The following TNKS variants were observed in gnomAD, a reference collection of about 807,000 sequenced individuals.
TNKS encodes the protein tankyrase.
TNKS carries 72 observed loss-of-function variants against 135.8 expected under a neutral mutation model. That is an observed-to-expected ratio of 0.53 (90% CI 0.44 to 0.64). The LOEUF is 0.64. TNKS is among the 30% of genes least tolerant of loss of function. TNKS has a pLI of 0.00. For missense variants in TNKS, 1,769 were observed against 1,674.0 expected (o/e 1.06, Z -0.99); for synonymous variants, 849 against 649.3 (o/e 1.31, Z -4.68).
At position 9,656,254 on chromosome 8, in the gene TNKS, T is replaced by G. The variant is rs34625531; in HGVS notation, c.995-23697T>G. The stretch of plus-strand genomic sequence containing the variant: ...TGGAACTATGTGAAAAGACCAAATC[T>G]ACGTCCTGATTGGTGTACCTGAAAG... On this transcript the variant is annotated intron_variant, in intron 3 of 26. Coordinates refer to ENST00000310430, the MANE Select transcript of TNKS (RefSeq NM_003747.3). Among the ~76,000 whole-genome samples, 1,281 of 152,258 alleles carry G rather than the reference T, an allele frequency of 8.4e-3. 18 individuals are homozygous for G. The highest frequency in any genetic ancestry group is 0.029 in the African/African-American group (1,200 of 41,548).
At chr8:9,607,981 T>C (rs6651496) in intron 2 of TNKS, among the ~76,000 whole-genome samples, 43,729 of 151,956 alleles carry the variant, frequency 0.29, 6,583 homozygotes, top group East Asian at 0.38. Flanking sequence ...ACATTGTCAT[T>C]CAAGTTGGAG....
chr8:9,679,711 G>A, intron 3 of TNKS: 2 of 464,614 alleles, frequency 4.3e-6, no homozygotes, highest in Non-Finnish European at 7.8e-6. Context: ...TTCATTGGTT[G>A]TCTGAAGAAA....
chr8:9,564,628 AG>A (rs1348254540), intron 1 of TNKS, among the ~76,000 whole-genome samples: 3 of 152,210 alleles, frequency 2.0e-5, no homozygotes, highest in Admixed American at 6.5e-5. Context: ...AATTGAAGGC[AG>A]TTGCTTCTTA....
chr8:9,574,022 T>C (rs1274168701), intron 1 of TNKS, among the ~76,000 whole-genome samples: 1 of 152,206 alleles, frequency 6.6e-6, no homozygotes, highest in Non-Finnish European at 1.5e-5. Flanking sequence ...TATTGAAATA[T>C]TTTTGAAAGG....
intron 3 of TNKS, among the ~76,000 whole-genome samples, chr8:9,663,250 G>T (rs971352974): frequency 2.6e-5 from 4 of 152,166 alleles, no homozygotes; most frequent in Admixed American, 6.5e-5. Flanking sequence ...TTAGTTTCTG[G>T]TATTGTGTTA....
intron 25 of TNKS, among the ~76,000 whole-genome samples, chr8:9,767,184 C>T (rs191792913): frequency 6.6e-6 from 1 of 152,270 alleles, no homozygotes; most frequent in African/African-American, 2.4e-5. Context: ...TATAATTAGC[C>T]TTGGCAACTT....
intron 3 of TNKS, among the ~76,000 whole-genome samples, chr8:9,636,135 T>C (rs931358404): frequency 1.8e-4 from 28 of 152,218 alleles, no homozygotes; most frequent in African/African-American, 6.5e-4. Context: ...AAATTGGTTG[T>C]TACATATACC....
At chr8:9,584,254 C>T (rs566468587) in intron 2 of TNKS, among the ~76,000 whole-genome samples, 7 of 143,974 alleles carry the variant, frequency 4.9e-5, no homozygotes, top group African/African-American at 1.5e-4. Context: ...AATTCTTTTT[C>T]TGATTTTGGA....
intron 2 of TNKS, among the ~76,000 whole-genome samples, chr8:9,594,634 T>A (rs1798706515): frequency 6.6e-6 from 1 of 152,208 alleles, no homozygotes; most frequent in Non-Finnish European, 1.5e-5. Flanking sequence ...TATTTTATTG[T>A]CAGTGAATAT....
rs1258197880 is a variant in TNKS, at chr8:9,781,904, C to G, written c.*5168C>G. The G allele has an allele frequency of 6.6e-6, 1 of 152,490 alleles. No individual in the cohort carries two copies. The highest frequency in any genetic ancestry group is 1.5e-5 in the Non-Finnish European group (1 of 68,022). 9.4% of individuals were successfully genotyped at this position (152,490 alleles called of 1,614,324 possible). On this transcript the variant is annotated 3_prime_UTR_variant, in exon 27 of 27. Coordinates refer to ENST00000310430, the MANE Select transcript of TNKS (RefSeq NM_003747.3). ...TGTATTTATCTATTTGTAGGATTGT[C>G]AGATCAAGTACAAGATGCCCAGTTA... is the stretch of plus-strand genomic sequence containing the variant.
intron 5 of TNKS, among the ~76,000 whole-genome samples, chr8:9,702,626 T>C (rs1803861864): frequency 1.3e-5 from 2 of 152,242 alleles, no homozygotes; most frequent in Non-Finnish European, 2.9e-5. Flanking sequence ...TCCCTGACAG[T>C]ATCATTTGCA....
intron 1 of TNKS, chr8:9,575,501 A>G (rs1797913197): frequency 4.5e-6 from 4 of 891,174 alleles, no homozygotes; most frequent in Non-Finnish European, 5.4e-6. Flanking sequence ...GAAAAATAAA[A>G]ATAAAAATTT....
chr8:9,601,805 C>A (rs538471597), intron 2 of TNKS, among the ~76,000 whole-genome samples: 1 of 152,112 alleles, frequency 6.6e-6, no homozygotes, highest in African/African-American at 2.4e-5. Context: ...CTATTTACTA[C>A]TATTATCTTT....
At chr8:9,657,288 C>T (rs1447612780) in intron 3 of TNKS, among the ~76,000 whole-genome samples, 1 of 86,776 alleles carries the variant, frequency 1.2e-5, no homozygotes, top group East Asian at 2.9e-4. Context: ...GGCGGCTGGC[C>T]GGGCGGGGGG....
chr8:9,742,027 A>G (rs1354312173), intron 17 of TNKS, among the ~76,000 whole-genome samples: 1 of 152,208 alleles, frequency 6.6e-6, no homozygotes, highest in Non-Finnish European at 1.5e-5. Flanking sequence ...AATGAAGGTA[A>G]CTTACTGAGG....
intron 2 of TNKS, among the ~76,000 whole-genome samples, chr8:9,584,494 A>G (rs1457159720): frequency 6.6e-6 from 1 of 152,190 alleles, no homozygotes; most frequent in Non-Finnish European, 1.5e-5. Flanking sequence ...AATGTTTCCT[A>G]CTAAAAGACA....
intron 17 of TNKS, among the ~76,000 whole-genome samples, chr8:9,746,880 A>ATTTT (rs1806262180): frequency 1.7e-5 from 1 of 60,310 alleles, no homozygotes. Context: ...ACCTACTTAA[A>ATTTT]CTTTTTTTTT....
At chr8:9,756,522 A>G (rs1039875221) in intron 20 of TNKS, among the ~76,000 whole-genome samples, 1 of 152,026 alleles carries the variant, frequency 6.6e-6, no homozygotes, top group African/African-American at 2.4e-5. Context: ...AACTAAGTCA[A>G]GGTTTTAAAA....
At chr8:9,699,087 G>A (rs923670164) in intron 5 of TNKS, among the ~76,000 whole-genome samples, 2 of 152,198 alleles carry the variant, frequency 1.3e-5, no homozygotes, top group African/African-American at 4.8e-5. Context: ...AACTGGCAGT[G>A]ATTGCTGTGC....
Sources: gnomAD v4.1 joint callset for allele counts (sites outside exome capture counted in the v4.1 genomes callset) on GRCh38, gnomAD v4.1.1 for gene constraint, MANE v1.5 for transcripts, NCBI Gene and HGNC (gene_info 2026-07-23, HGNC 2026-07-21) for gene names.